PTPA: variants seen among roughly 807,000 people sequenced by gnomAD.
PTPA encodes the protein protein phosphatase 2 phosphatase activator, also known as serine/threonine-protein phosphatase 2A activator.
PTPA carries 13 observed loss-of-function variants against 43.6 expected under a neutral mutation model. The ratio of observed to expected loss-of-function variants is 0.30; its 90% CI spans 0.19 to 0.47. The LOEUF (loss-of-function observed/expected upper bound fraction) is 0.47, where lower values mean the gene tolerates loss of function less well. PTPA is among the 20% of genes least tolerant of loss of function. The pLI, the probability that PTPA is intolerant of heterozygous loss-of-function variation, is 0.99. For synonymous variants in PTPA, 172 were observed against 158.2 expected (o/e 1.09, Z -0.66); for missense variants, 329 against 411.9 (o/e 0.80, Z 1.74).
intron 3 of PTPA, chr9:129,127,993 G>A (rs1382146945): frequency 1.5e-6 from 2 of 1,343,738 alleles, no homozygotes; most frequent in Non-Finnish European, 2.0e-6. Flanking sequence ...AGGAAAAGGA[G>A]CAGGCTGCAA....
chr9:129,142,796 T>A (rs1159412803), intron 9 of PTPA: 1 of 1,535,746 alleles, frequency 6.5e-7, no homozygotes. Context: ...CCTGATGAGC[T>A]TGGAGGCTGA....
intron 5 of PTPA, 39 bp downstream of exon 5, chr9:129,131,678 C>T: frequency 6.3e-7 from 1 of 1,583,234 alleles, no homozygotes; most frequent in Non-Finnish European, 8.7e-7. Flanking sequence ...TATCTAGCTT[C>T]ACTGCTTTCT....
intron 4 of PTPA, among the ~76,000 whole-genome samples, chr9:129,130,733 C>T (rs557728200): frequency 6.6e-6 from 1 of 152,114 alleles, no homozygotes; most frequent in Non-Finnish European, 1.5e-5. Flanking sequence ...AGCTTTACAG[C>T]TTGATGGATT....
chr9:129,128,536 CAA>C (rs35647247), intron 3 of PTPA, among the ~76,000 whole-genome samples: 144 of 117,330 alleles, frequency 1.2e-3, no homozygotes, highest in African/African-American at 2.7e-3. Flanking sequence ...AACTCTGTCT[CAA>C]AAAAAAAAAA....
At chr9:129,121,426 A>C (rs1849242795) in intron 2 of PTPA, among the ~76,000 whole-genome samples, 1 of 152,262 alleles carries the variant, frequency 6.6e-6, no homozygotes, top group African/African-American at 2.4e-5. Context: ...ATTTGGAAAT[A>C]GTTATCATGT....
chr9:129,121,402 C>T (rs1378709946), intron 2 of PTPA, among the ~76,000 whole-genome samples: 1 of 152,230 alleles, frequency 6.6e-6, no homozygotes. Context: ...TTTTCACAAG[C>T]CTGCCCTCTC....
rs1204458899 is a variant in PTPA, at chr9:129,128,499, G to C, written c.217-486G>C. ...TGCAGTGAGCCGAGATTGCACCACT[G>C]CACTCCAGCCTGGGCAACAAGAGCG... On this transcript the variant is annotated intron_variant, in intron 3 of 9. Coordinates refer to ENST00000393370, the MANE Select transcript of PTPA (RefSeq NM_178000.3). Among the ~76,000 whole-genome samples the C allele has an allele frequency of 3.4e-5, 5 of 148,056 alleles. No individual in the cohort carries two copies. The East Asian group carries it at 9.8e-4, about 29-fold the overall frequency.
chr9:129,138,137 C>T lies in PTPA; in HGVS notation c.786+445C>T, dbSNP rs544293844. 65 of 237,212 alleles carry T rather than the reference C, an allele frequency of 2.7e-4. 1 individual carries two copies. Among genetic ancestry groups the T allele is most frequent in the African/African-American group, 1.4e-3 (62 of 45,170 alleles). The allele number at this position is 237,212 out of a possible 1,614,324, so 14.7% of individuals were successfully genotyped here. On this transcript the variant is annotated intron_variant, in intron 8 of 9. Transcript: ENST00000393370. ...CTTCTGGTGCAGACAGCTTTTCTGT[C>T]GAAGGGACACGTCTCTGTCAGTGCC...
chr9:129,121,887 C>A (rs1175321326), intron 2 of PTPA, among the ~76,000 whole-genome samples: 7 of 152,190 alleles, frequency 4.6e-5, no homozygotes, highest in Admixed American at 4.6e-4. Flanking sequence ...TTTGGAGAGG[C>A]CTGGCCTGCT....
Position 129,147,611 on chromosome 9 carries a change from G to T in PTPA, c.*147G>T, listed in dbSNP as rs996987904. ...GGGTGGGGTGGCGAGATGGGCTTGA[G>T]GGGGCTCAGAGCATAAGGCTTCAGG... On this transcript the variant is annotated 3_prime_UTR_variant, in exon 10 of 10. Transcript: ENST00000393370. 2.3e-6 allele frequency: 2 copies of T among 866,250 alleles called. No individual in the cohort carries two copies. The highest frequency in any genetic ancestry group is 1.6e-5 in the South Asian group (1 of 61,694). The allele number at this position is 866,250 out of a possible 1,614,324, so 53.7% of individuals were successfully genotyped here.
At chr9:129,144,449 C>G (rs768869061) in intron 9 of PTPA, among the ~76,000 whole-genome samples, 5 of 152,136 alleles carry the variant, frequency 3.3e-5, no homozygotes, top group Non-Finnish European at 7.4e-5. Flanking sequence ...TTTAAGATCA[C>G]CAAGTCAGGC....
At chr9:129,117,916 C>G (rs941172129) in intron 1 of PTPA, among the ~76,000 whole-genome samples, 8 of 151,910 alleles carry the variant, frequency 5.3e-5, no homozygotes, top group Admixed American at 4.6e-4. Flanking sequence ...CAGGCCTGGT[C>G]TGGAACTCCT....
chr9:129,136,157 C>A (rs1399796268), intron 6 of PTPA, among the ~76,000 whole-genome samples: 1 of 152,038 alleles, frequency 6.6e-6, no homozygotes, highest in Non-Finnish European at 1.5e-5. Context: ...TTAGTAGAGA[C>A]GGGGTTTCAC....
At chr9:129,142,127 A>C in intron 8 of PTPA, 2 of 273,208 alleles carry the variant, frequency 7.3e-6, no homozygotes, top group Non-Finnish European at 6.8e-6. Context: ...GGTGGGCGAT[A>C]GGAATCAGGC....
intron 8 of PTPA, chr9:129,139,859 G>T (rs1850640680): frequency 6.6e-6 from 1 of 151,984 alleles, no homozygotes; most frequent in African/African-American, 2.4e-5. Flanking sequence ...TGATACCCGT[G>T]GGCATCCTAG....
chr9:129,111,274 G>A (rs768499994), upstream of PTPA: 1 of 1,202,240 alleles, frequency 8.3e-7, no homozygotes, highest in African/African-American at 1.6e-5. Flanking sequence ...CCCGACGTTC[G>A]GGCGGCCGTG....
chr9:129,132,356 G>T (rs1324912991), intron 5 of PTPA, among the ~76,000 whole-genome samples: 2 of 151,914 alleles, frequency 1.3e-5, no homozygotes, highest in Non-Finnish European at 2.9e-5. Context: ...TTGAGACAGG[G>T]TCTTGCTTTG....
chr9:129,140,945 G>C (rs1036002508), intron 8 of PTPA, among the ~76,000 whole-genome samples: 1 of 152,220 alleles, frequency 6.6e-6, no homozygotes, highest in Non-Finnish European at 1.5e-5. Flanking sequence ...TGAGTGAAGC[G>C]AGTGGTCCAA....
intron 2 of PTPA, among the ~76,000 whole-genome samples, chr9:129,122,664 T>C (rs1849320000): frequency 6.6e-6 from 1 of 152,186 alleles, no homozygotes; most frequent in Non-Finnish European, 1.5e-5. Context: ...GGGTCCTAGC[T>C]CCATGTCTAA....
Sources: gnomAD v4.1 joint callset for allele counts (sites outside exome capture counted in the v4.1 genomes callset) on GRCh38, gnomAD v4.1.1 for gene constraint, MANE v1.5 for transcripts, NCBI Gene and HGNC (gene_info 2026-07-23, HGNC 2026-07-21) for gene names.